The following RSU1 variants were observed in gnomAD, a reference collection of about 807,000 sequenced individuals.
RSU1 encodes the protein Ras suppressor protein 1, also known as rsu-1.
In RSU1, 26 loss-of-function variants were observed where a neutral mutation model predicts 31.1. That is an observed-to-expected ratio of 0.84 (90% CI 0.61 to 1.16). The LOEUF (loss-of-function observed/expected upper bound fraction) is 1.16, where lower values mean the gene tolerates loss of function less well. Among genes scored for constraint, RSU1 ranks in the 50% most tolerant of loss-of-function variants. RSU1 has a pLI of 0.00. For synonymous variants in RSU1, 164 were observed against 136.3 expected (o/e 1.20, Z -1.41); for missense variants, 320 against 339.1 (o/e 0.94, Z 0.44).
At chr10:16,736,539 A>G (rs911018900) in intron 7 of RSU1, among the ~76,000 whole-genome samples, 15 of 152,188 alleles carry the variant, frequency 9.9e-5, no homozygotes, top group Non-Finnish European at 1.9e-4. Flanking sequence ...GACCTGCTAG[A>G]ATGAAACCCA....
At chr10:16,749,786 C>T (rs574683921) in intron 7 of RSU1, among the ~76,000 whole-genome samples, 1 of 152,332 alleles carries the variant, frequency 6.6e-6, no homozygotes, top group East Asian at 1.9e-4. Context: ...CCGGCAAAGC[C>T]CACGCCAACT....
intron 8 of RSU1, among the ~76,000 whole-genome samples, chr10:16,640,448 C>T (rs1834421267): frequency 6.6e-6 from 1 of 152,142 alleles, no homozygotes; most frequent in African/African-American, 2.4e-5. Flanking sequence ...GAGTCTAAAG[C>T]AATCTTTTCA....
chr10:16,759,007 G>A (rs1476579971), intron 4 of RSU1, among the ~76,000 whole-genome samples: 2 of 152,160 alleles, frequency 1.3e-5, no homozygotes, highest in Non-Finnish European at 2.9e-5. Context: ...AAACCAGGGG[G>A]TTTCAGGCTA....
intron 8 of RSU1, among the ~76,000 whole-genome samples, chr10:16,686,930 T>C (rs995411002): frequency 5.3e-5 from 8 of 152,164 alleles, no homozygotes; most frequent in African/African-American, 1.9e-4. Flanking sequence ...TTGAATAAAA[T>C]GCAAATTGCA....
At chr10:16,793,432 T>G (rs1392548244) in intron 2 of RSU1, among the ~76,000 whole-genome samples, 1 of 152,116 alleles carries the variant, frequency 6.6e-6, no homozygotes, top group Admixed American at 6.5e-5. Flanking sequence ...GAACCCCCCA[T>G]GAGCTGGTCA....
intron 8 of RSU1, among the ~76,000 whole-genome samples, chr10:16,607,916 G>A (rs1833832173): frequency 6.6e-6 from 1 of 152,158 alleles, no homozygotes; most frequent in South Asian, 2.1e-4. Context: ...CAGCTGGAGT[G>A]CATTGGAACA....
At chr10:16,719,675 T>C (rs998215158) in intron 7 of RSU1, among the ~76,000 whole-genome samples, 17 of 152,336 alleles carry the variant, frequency 1.1e-4, no homozygotes, top group Admixed American at 5.9e-4. Flanking sequence ...GTAAGCCTCA[T>C]GGGCACAGGG....
intron 8 of RSU1, among the ~76,000 whole-genome samples, chr10:16,652,205 G>T (rs908877971): frequency 2.0e-5 from 3 of 152,072 alleles, no homozygotes; most frequent in African/African-American, 4.8e-5. Flanking sequence ...AAATGAGGAA[G>T]AGAGATGCTA....
chr10:16,670,003 T>C (rs1167710334), intron 8 of RSU1, among the ~76,000 whole-genome samples: 3 of 152,218 alleles, frequency 2.0e-5, no homozygotes, highest in Non-Finnish European at 4.4e-5. Flanking sequence ...ATAGAAACTG[T>C]AGTCTCTCAC....
chr10:16,602,545 C>T (rs1833730604), intron 8 of RSU1, among the ~76,000 whole-genome samples: 1 of 152,190 alleles, frequency 6.6e-6, no homozygotes. Context: ...GCAGGGAGTG[C>T]AGGCTTAACT....
At chr10:16,799,551 C>G (rs1408432518) in intron 2 of RSU1, among the ~76,000 whole-genome samples, 1 of 152,030 alleles carries the variant, frequency 6.6e-6, no homozygotes, top group African/African-American at 2.4e-5. Context: ...TCCTGGGGGC[C>G]CGGTCTTAAG....
chr10:16,696,671 A>G (rs1373060227), intron 7 of RSU1, among the ~76,000 whole-genome samples: 2 of 152,212 alleles, frequency 1.3e-5, no homozygotes, highest in African/African-American at 2.4e-5. Flanking sequence ...TTAATGGTTA[A>G]ACATCGTTAG....
intron 2 of RSU1, among the ~76,000 whole-genome samples, chr10:16,795,440 T>C (rs962918030): frequency 3.6e-4 from 54 of 151,908 alleles, no homozygotes; most frequent in Middle Eastern, 3.4e-3. Flanking sequence ...AAAACATGAC[T>C]GGCACAGTTC....
chr10:16,605,864 C>T (rs563170283), intron 8 of RSU1, among the ~76,000 whole-genome samples: 10 of 152,122 alleles, frequency 6.6e-5, no homozygotes, highest in Non-Finnish European at 1.0e-4. Context: ...TGCAGTGGTG[C>T]GATCATGGCT....
intron 8 of RSU1, among the ~76,000 whole-genome samples, chr10:16,692,418 C>G (rs557256596): frequency 2.0e-5 from 3 of 152,130 alleles, no homozygotes; most frequent in Non-Finnish European, 4.4e-5. Context: ...ATAAAGTGAT[C>G]TATGGAAAAC....
intron 8 of RSU1, among the ~76,000 whole-genome samples, chr10:16,676,220 T>C (rs1835229180): frequency 6.6e-6 from 1 of 152,184 alleles, no homozygotes; most frequent in East Asian, 1.9e-4. Context: ...CACGACTGAG[T>C]AGTTTATAAA....
chr10:16,661,989 T>A (rs916933342), intron 8 of RSU1, among the ~76,000 whole-genome samples: 10 of 152,264 alleles, frequency 6.6e-5, no homozygotes, highest in African/African-American at 2.4e-4. Context: ...TTTCAGAATA[T>A]CTGGTCCTCA....
rs1161283293 is a variant in RSU1, at chr10:16,716,119, T to C, written c.599-20964A>G. Among the ~76,000 whole-genome samples, 3 of 152,212 alleles carry C rather than the reference T, an allele frequency of 2.0e-5. No homozygotes were observed. The East Asian group carries it at 5.8e-4, about 29-fold the overall frequency. On this transcript the variant is annotated intron_variant, in intron 7 of 8. Transcript: ENST00000345264. ...CCTTAGTCGGAATTCTTGATGAAAATCATCACACAGAGATTATGGAAACTG... is the reference window on the plus strand; with the variant it reads ...CCTTAGTCGGAATTCTTGATGAAAACCATCACACAGAGATTATGGAAACTG...
chr10:16,634,788 G>A (rs539713982), intron 8 of RSU1, among the ~76,000 whole-genome samples: 1 of 152,276 alleles, frequency 6.6e-6, no homozygotes, highest in South Asian at 2.1e-4. Flanking sequence ...ATGGATGTTC[G>A]GTGATGTTCC....
Sources: gnomAD v4.1 joint callset for allele counts (sites outside exome capture counted in the v4.1 genomes callset) on GRCh38, gnomAD v4.1.1 for gene constraint, MANE v1.5 for transcripts, NCBI Gene and HGNC (gene_info 2026-07-23, HGNC 2026-07-21) for gene names.